Variants in TRPM3 observed in about 807,000 individuals in gnomAD.
The protein encoded by TRPM3 is long transient receptor potential channel 3.
In TRPM3, 77 loss-of-function variants were observed where a neutral mutation model predicts 181.2. The ratio of observed to expected loss-of-function variants is 0.42; its 90% CI spans 0.35 to 0.51. The LOEUF (loss-of-function observed/expected upper bound fraction) is 0.51, where lower values mean the gene tolerates loss of function less well. Among genes scored for constraint, TRPM3 ranks in the 20% least tolerant of loss-of-function variants. TRPM3 has a pLI of 0.01. For missense variants in TRPM3, 1,759 were observed against 2,196.7 expected, an observed-to-expected ratio of 0.80 and a Z score of 3.98; for synonymous variants, 745 against 796.4, an observed-to-expected ratio of 0.94 and a Z score of 1.09.
chr9:71,178,002 G>A (rs948009102), intron 1 of TRPM3, among the ~76,000 whole-genome samples: 2 of 149,320 alleles, frequency 1.3e-5, no homozygotes, highest in African/African-American at 4.9e-5. Context: ...ACCAAGATAC[G>A]ATCTTAAACT....
chr9:71,049,375 A>G (rs765088271), intron 1 of TRPM3, among the ~76,000 whole-genome samples: 20 of 152,194 alleles, frequency 1.3e-4, no homozygotes, highest in Non-Finnish European at 2.8e-4. Flanking sequence ...GTATGCATAT[A>G]TACTCCAAAT....
chr9:71,413,108 G>T (rs987648696), intron 1 of TRPM3, among the ~76,000 whole-genome samples: 6 of 152,094 alleles, frequency 3.9e-5, no homozygotes, highest in Admixed American at 2.0e-4. Flanking sequence ...TGGGGTTGGG[G>T]GAGGGGGACG....
intron 1 of TRPM3, among the ~76,000 whole-genome samples, chr9:71,330,552 A>G (rs180693024): frequency 1.3e-5 from 2 of 152,014 alleles, no homozygotes; most frequent in East Asian, 3.9e-4. Flanking sequence ...TTTTCTAATA[A>G]TAAGAAATCA....
At chr9:70,987,690 T>C (rs1379916139) in intron 1 of TRPM3, among the ~76,000 whole-genome samples, 1 of 152,148 alleles carries the variant, frequency 6.6e-6, no homozygotes, top group African/African-American at 2.4e-5. Context: ...ATATTGTTAA[T>C]CTAGTAATCG....
chr9:70,552,845 C>T lies in TRPM3; in HGVS notation c.3573G>A (p.Leu1191=). ...GCTCGGCTGTCGCTTGAAGCTTACTCAGGCCGTAGTCCCTTTCATCCGGGT... is the reference window on the plus strand; with the variant it reads ...GCTCGGCTGTCGCTTGAAGCTTACTTAGGCCGTAGTCCCTTTCATCCGGGT... ...ESDPDERDYG[L]KLFITDDELK... is the part of the protein sequence containing the mutation. The change falls in exon 24 of 26, where the codon CTG becomes CTA. Residue 1191 remains leucine (L), a splice_region_variant and synonymous_variant. Transcript: ENST00000677713. 6.2e-7 allele frequency: 1 copy of T among 1,613,768 alleles called. No homozygotes were observed. Among genetic ancestry groups the T allele is most frequent in the Non-Finnish European group, 8.5e-7 (1 of 1,180,018 alleles).
In TRPM3 at chr9:70,625,309, C is replaced by A. The variant is rs770661370; in HGVS notation, c.1691G>T (p.Arg564Ile). Residue 564 changes from arginine (R) to isoleucine (I), a missense_variant, in exon 14 of 26, where the codon AGA becomes ATA. Around this residue, in one of 8 missense-constraint regions of TRPM3, gnomAD observed 737 missense variants for 957.4 expected, o/e 0.77. Transcript: ENST00000677713. This position sits in a 1 kb window ranked among gnomAD's most constrained non-coding sequence, Gnocchi z 4.8. ...CAGGCCGATGTCAATCAGGCTGATTCTGTAGTCTGGGGGCAGGTTCCCCTA... is the reference window on the plus strand; with the variant it reads ...CAGGCCGATGTCAATCAGGCTGATTATGTAGTCTGGGGGCAGGTTCCCCTA... ...YFKGNLPPDY[R>I]ISLIDIGLVI... is the part of the protein sequence containing the mutation. 6 of 1,614,124 alleles carry A rather than the reference C, an allele frequency of 3.7e-6. No individual in the cohort carries two copies. The Admixed American group carries it at 1.0e-4, about 27-fold the overall frequency.
At chr9:70,635,134 T>C (rs2056942865) in intron 12 of TRPM3, 77 bp downstream of exon 12, 5 of 1,319,386 alleles carry the variant, frequency 3.8e-6, no homozygotes, top group Non-Finnish European at 5.4e-6. Context: ...TGGCAGCTCA[T>C]GCAAAACAGA....
chr9:70,592,201 ATGG>A (rs1413776504), intron 21 of TRPM3, among the ~76,000 whole-genome samples: 2 of 152,184 alleles, frequency 1.3e-5, no homozygotes, highest in African/African-American at 4.8e-5. Context: ...TCTACCCAGT[ATGG>A]CCACAAGGTA....
chr9:70,555,931 C>G (rs2047588289), intron 22 of TRPM3, among the ~76,000 whole-genome samples: 1 of 152,214 alleles, frequency 6.6e-6, no homozygotes, highest in African/African-American at 2.4e-5. Flanking sequence ...GTTCCCTGAT[C>G]TCCATTTCTT....
At chr9:71,178,286 A>G (rs1278433292) in intron 1 of TRPM3, among the ~76,000 whole-genome samples, 2 of 152,248 alleles carry the variant, frequency 1.3e-5, no homozygotes, top group Admixed American at 6.5e-5. Flanking sequence ...CATAAACTCA[A>G]TATGTTTTGT....
intron 1 of TRPM3, among the ~76,000 whole-genome samples, chr9:71,306,433 C>A (rs932550970): frequency 3.3e-5 from 5 of 152,082 alleles, no homozygotes; most frequent in Non-Finnish European, 7.4e-5. Context: ...TTTAATATTT[C>A]TATAACTAAT....
chr9:71,167,051 G>A (rs2134755295), intron 1 of TRPM3, among the ~76,000 whole-genome samples: 1 of 152,070 alleles, frequency 6.6e-6, no homozygotes, highest in Middle Eastern at 3.4e-3. Context: ...TTCCATTTTT[G>A]TACAAAAACA....
chr9:71,215,033 C>CAAAAAAAA (rs67349189), intron 1 of TRPM3, among the ~76,000 whole-genome samples: 56 of 105,742 alleles, frequency 5.3e-4, no homozygotes, highest in Middle Eastern at 6.2e-3. Flanking sequence ...CACCAAAAAA[C>CAAAAAAAA]AAAAAAAAAA....
At position 70,738,726 on chromosome 9, in the gene TRPM3, A is replaced by G. The variant is rs553195117; in HGVS notation, c.1272+22875T>C. ...CTTTGAAAAGATAAACAAAATTGAC[A>G]TACTATCAGTGAGATTAACCAAGAA... On this transcript the variant is annotated intron_variant, in intron 8 of 25. Transcript: ENST00000677713. 9.1e-4 allele frequency among the ~76,000 whole-genome samples: 138 copies of G among 152,314 alleles called. 1 individual carries two copies. The highest frequency in any genetic ancestry group is 3.2e-3 in the African/African-American group (134 of 41,594).
At chr9:70,551,476 C>G (rs965726687) in intron 24 of TRPM3, among the ~76,000 whole-genome samples, 2 of 152,208 alleles carry the variant, frequency 1.3e-5, no homozygotes, top group Admixed American at 6.5e-5. Context: ...GGAGCTGGCT[C>G]CCATCTAGCC....
At chr9:70,830,216 C>T (rs1187015820) in intron 5 of TRPM3, among the ~76,000 whole-genome samples, 1 of 152,056 alleles carries the variant, frequency 6.6e-6, no homozygotes, top group Non-Finnish European at 1.5e-5. Context: ...TATTTAAAGA[C>T]TATCAGTGAA....
intron 7 of TRPM3, among the ~76,000 whole-genome samples, chr9:70,773,146 C>A (rs2080668616): frequency 6.6e-6 from 1 of 152,086 alleles, no homozygotes; most frequent in South Asian, 2.1e-4. Flanking sequence ...GGTGCCACTT[C>A]CTCTGCTGTC....
chr9:70,933,225 C>T (rs550052028), intron 1 of TRPM3, among the ~76,000 whole-genome samples: 35 of 151,996 alleles, frequency 2.3e-4, no homozygotes, highest in East Asian at 1.5e-3. Context: ...GTGTGTGATA[C>T]GGACCTAGAA....
intron 1 of TRPM3, among the ~76,000 whole-genome samples, chr9:71,365,038 A>T (rs939860183): frequency 1.3e-5 from 2 of 152,222 alleles, no homozygotes; most frequent in Non-Finnish European, 2.9e-5. Context: ...ACACCAGGTC[A>T]GGAAGGGAAA....
Sources: gnomAD v4.1 joint callset for allele counts (sites outside exome capture counted in the v4.1 genomes callset) on GRCh38, gnomAD v4.1.1 for gene constraint, gnomAD v4.1.1 regional missense constraint, Gnocchi (gnomAD v3.1) non-coding constraint, MANE v1.5 for transcripts, NCBI Gene and HGNC (gene_info 2026-07-23, HGNC 2026-07-21) for gene names.